Variants in SRGAP3 observed in about 807,000 individuals in gnomAD.
The protein encoded by SRGAP3 is SLIT-ROBO Rho GTPase-activating protein 3.
In SRGAP3, 39 loss-of-function variants were observed where a neutral mutation model predicts 121.1. That is an observed-to-expected ratio of 0.32 (90% CI 0.25 to 0.42). The LOEUF (loss-of-function observed/expected upper bound fraction) is 0.42. Ranked by LOEUF, SRGAP3 falls within the 10% of genes least tolerant of loss-of-function variation. The pLI, the probability that SRGAP3 is intolerant of heterozygous loss-of-function variation, is 1.00. For missense variants in SRGAP3, 1,213 were observed against 1,470.6 expected (o/e 0.82, Z 2.86); for synonymous variants, 601 against 570.0 (o/e 1.05, Z -0.77).
At chr3:9,022,499 A>G (rs1943977378) in intron 14 of SRGAP3, among the ~76,000 whole-genome samples, 1 of 152,210 alleles carries the variant, frequency 6.6e-6, no homozygotes, top group Admixed American at 6.5e-5. Flanking sequence ...AGGGAAACAC[A>G]GAGATAAGCA....
chr3:9,052,962 C>T, intron 9 of SRGAP3, 65 bp downstream of exon 9: 2 of 1,597,216 alleles, frequency 1.3e-6, no homozygotes, highest in Admixed American at 1.7e-5. Flanking sequence ...GCTTGGGTTG[C>T]TCCTGAAAAG....
At chr3:9,199,605 T>C (rs769877288) in intron 1 of SRGAP3, among the ~76,000 whole-genome samples, 6 of 152,204 alleles carry the variant, frequency 3.9e-5, no homozygotes, top group Non-Finnish European at 8.8e-5. Flanking sequence ...GGTTCTGCTT[T>C]TGTTTGTTTT....
chr3:9,317,141 G>A (rs777555019), intron 3 of SRGAP3, among the ~76,000 whole-genome samples: 1 of 152,180 alleles, frequency 6.6e-6, no homozygotes, highest in Admixed American at 6.5e-5. Flanking sequence ...AGAGCCTGGG[G>A]AGCACTCATT....
intron 3 of SRGAP3, among the ~76,000 whole-genome samples, chr3:9,254,844 AG>A (rs1410642836): frequency 7.3e-6 from 1 of 136,606 alleles, no homozygotes; most frequent in Non-Finnish European, 1.6e-5. Flanking sequence ...GAACGAAGGG[AG>A]GGAGGGAGGG....
At chr3:9,076,068 C>T (rs1254093447) in intron 4 of SRGAP3, among the ~76,000 whole-genome samples, 1 of 152,186 alleles carries the variant, frequency 6.6e-6, no homozygotes, top group Non-Finnish European at 1.5e-5. Context: ...GCAAATATGA[C>T]ACAAGCAGAA....
intron 10 of SRGAP3, among the ~76,000 whole-genome samples, chr3:9,046,151 C>A (rs1024985804): frequency 2.0e-5 from 3 of 150,896 alleles, no homozygotes; most frequent in African/African-American, 7.3e-5. Flanking sequence ...CAAATGTCTA[C>A]CCCCAAGTAT....
intron 1 of SRGAP3, among the ~76,000 whole-genome samples, chr3:9,127,533 C>T (rs997814837): frequency 2.6e-5 from 4 of 152,206 alleles, no homozygotes; most frequent in African/African-American, 4.8e-5. Flanking sequence ...CTGCAACCTC[C>T]GCCTCCTGGG....
intron 3 of SRGAP3, among the ~76,000 whole-genome samples, chr3:9,080,900 T>A (rs116302280): frequency 0.025 from 3,788 of 152,216 alleles, 161 homozygotes; most frequent in African/African-American, 0.086. Flanking sequence ...TACATTACAG[T>A]GAGTTGCATA....
chr3:8,994,201 T>C, intron 19 of SRGAP3, 142 bp downstream of exon 19: 1 of 1,069,512 alleles, frequency 9.4e-7, no homozygotes, highest in Non-Finnish European at 1.4e-6. Context: ...AGTTAGATAT[T>C]ACCCATTGTT....
chr3:9,226,128 A>AC (rs1952981048), intron 1 of SRGAP3, among the ~76,000 whole-genome samples: 1 of 151,964 alleles, frequency 6.6e-6, no homozygotes, highest in African/African-American at 2.4e-5. Context: ...CCAACCCCCG[A>AC]CCCCTATCTC....
At chr3:9,099,721 AGG>A (rs1948133817) in intron 3 of SRGAP3, among the ~76,000 whole-genome samples, 1 of 152,250 alleles carries the variant, frequency 6.6e-6, no homozygotes, top group Non-Finnish European at 1.5e-5. Context: ...CTAGAAATGC[AGG>A]TTCTCAGGCC....
intron 1 of SRGAP3, among the ~76,000 whole-genome samples, chr3:9,141,556 G>GTGTGTGTGTA (rs1436078795): frequency 1.4e-4 from 2 of 13,988 alleles, no homozygotes; most frequent in African/African-American, 3.1e-4. Context: ...CTTCAGGGGT[G>GTGTGTGTGTA]TGTGTGTGTG....
chr3:9,224,530 C>T (rs1188529869), intron 1 of SRGAP3, among the ~76,000 whole-genome samples: 1 of 152,180 alleles, frequency 6.6e-6, no homozygotes, highest in Admixed American at 6.5e-5. Flanking sequence ...CCAAGAAATA[C>T]CGCCTTCCCA....
chr3:9,348,519 A>G, intron 1 of SRGAP3: 2 of 751,312 alleles, frequency 2.7e-6, no homozygotes, highest in Non-Finnish European at 4.9e-6. Context: ...AGCAGCTGGT[A>G]CAACACCGAC....
intron 11 of SRGAP3, chr3:9,034,203 C>T (rs1172639903): frequency 6.6e-6 from 1 of 152,178 alleles, no homozygotes; most frequent in East Asian, 1.9e-4. Flanking sequence ...CCTTCTGGGG[C>T]AAAGGCCTTT....
chr3:9,026,618 C>A (rs1047626762), intron 13 of SRGAP3, among the ~76,000 whole-genome samples: 4 of 152,198 alleles, frequency 2.6e-5, no homozygotes, highest in Non-Finnish European at 5.9e-5. Context: ...TATAATCTAG[C>A]CGTATTAGCT....
intron 18 of SRGAP3, among the ~76,000 whole-genome samples, chr3:8,996,317 T>C (rs1375644937): frequency 3.3e-5 from 5 of 152,172 alleles, no homozygotes; most frequent in Non-Finnish European, 7.4e-5. Flanking sequence ...GGAAACTCCC[T>C]TGTTCACTCC....
At chr3:9,305,582 C>A (rs1955146280) in intron 3 of SRGAP3, among the ~76,000 whole-genome samples, 1 of 151,738 alleles carries the variant, frequency 6.6e-6, no homozygotes, top group African/African-American at 2.4e-5. Context: ...CCGACAGGCC[C>A]CAGTGTGTGA....
At chr3:9,204,874 G>A (rs917921474) in intron 1 of SRGAP3, among the ~76,000 whole-genome samples, 4 of 152,240 alleles carry the variant, frequency 2.6e-5, no homozygotes, top group Admixed American at 6.5e-5. Context: ...GCTGAAAACC[G>A]CCCTTTGTGG....
Sources: gnomAD v4.1 joint callset for allele counts (sites outside exome capture counted in the v4.1 genomes callset) on GRCh38, gnomAD v4.1.1 for gene constraint, MANE v1.5 for transcripts, NCBI Gene and HGNC (gene_info 2026-07-23, HGNC 2026-07-21) for gene names.